Variants in TNNI3K observed in about 807,000 individuals in gnomAD.
The protein encoded by TNNI3K is serine/threonine-protein kinase TNNI3K.
A neutral mutation model predicts 114.5 loss-of-function variants in TNNI3K; 140 were observed. The observed-to-expected ratio is 1.22, with a 90% CI of 1.07 to 1.41. The LOEUF (loss-of-function observed/expected upper bound fraction) is 1.41, where lower values mean the gene tolerates loss of function less well. TNNI3K is among the 40% of genes most tolerant of loss of function. The pLI is 0.00. For missense variants in TNNI3K, 1,125 were observed against 1,007.6 expected, an observed-to-expected ratio of 1.12 and a Z score of -1.58; for synonymous variants, 347 against 347.5, an observed-to-expected ratio of 1.00 and a Z score of 0.02.
intron 17 of TNNI3K, among the ~76,000 whole-genome samples, chr1:74,385,414 A>G (rs1440755380): frequency 1.3e-5 from 2 of 152,192 alleles, no homozygotes; most frequent in African/African-American, 4.8e-5. Flanking sequence ...ACTGCCTAAC[A>G]TGGGTGGTAA....
chr1:74,487,864 G>A (rs1367372504), intron 21 of TNNI3K, among the ~76,000 whole-genome samples: 5 of 152,298 alleles, frequency 3.3e-5, no homozygotes, highest in Middle Eastern at 3.4e-3. Flanking sequence ...TCTAGAGGAA[G>A]TGAGGTAGAG....
intron 5 of TNNI3K, among the ~76,000 whole-genome samples, chr1:74,295,197 C>A (rs1657909514): frequency 6.6e-6 from 1 of 151,714 alleles, no homozygotes; most frequent in South Asian, 2.1e-4. Context: ...CTTTGATTTG[C>A]AGTATAATTG....
At chr1:74,264,198 G>T (rs1216091648) in intron 4 of TNNI3K, among the ~76,000 whole-genome samples, 1 of 151,140 alleles carries the variant, frequency 6.6e-6, no homozygotes, top group South Asian at 2.1e-4. Flanking sequence ...GCAAAGTCAA[G>T]TATTTCCACC....
intron 11 of TNNI3K, among the ~76,000 whole-genome samples, chr1:74,364,841 A>G (rs963225328): frequency 2.6e-5 from 4 of 152,020 alleles, no homozygotes; most frequent in South Asian, 2.1e-4. Context: ...AAGGAAACCA[A>G]TTATCTCCTA....
At chr1:74,393,883 A>G (rs1361971720) in intron 17 of TNNI3K, among the ~76,000 whole-genome samples, 3 of 152,300 alleles carry the variant, frequency 2.0e-5, no homozygotes, top group Non-Finnish European at 1.5e-5. Flanking sequence ...TTGTGCTCCT[A>G]TGAGAATCTA....
At chr1:74,419,477 G>T (rs1346355877) in intron 17 of TNNI3K, among the ~76,000 whole-genome samples, 1 of 152,052 alleles carries the variant, frequency 6.6e-6, no homozygotes, top group Non-Finnish European at 1.5e-5. Flanking sequence ...ACAATTAGGG[G>T]TGTTTTCTTT....
At chr1:74,438,657 T>C (rs1216079374) in intron 19 of TNNI3K, among the ~76,000 whole-genome samples, 1 of 152,062 alleles carries the variant, frequency 6.6e-6, no homozygotes, top group East Asian at 1.9e-4. Context: ...TAACTCTAAA[T>C]CCAGTGTTCT....
At chr1:74,315,716 T>C (rs1306481464) in intron 5 of TNNI3K, among the ~76,000 whole-genome samples, 4 of 152,136 alleles carry the variant, frequency 2.6e-5, no homozygotes. Flanking sequence ...GATTCTCCTT[T>C]GTGTTAGTTT....
Position 74,543,064 on chromosome 1 carries a change from C to CTTTTTTTTTTTTTTTTT in TNNI3K, c.2432-829_2432-813dup, listed in dbSNP as rs60688934. Among the ~76,000 whole-genome samples, 27 of 6,760 alleles carry CTTTTTTTTTTTTTTTTT rather than the reference C, an allele frequency of 4.0e-3. 12 individuals carry two copies. The highest frequency in any genetic ancestry group is 6.1e-3 in the Non-Finnish European group (17 of 2,798). 4.4% of individuals were successfully genotyped at this position (6,760 alleles called of 152,430 possible). On this transcript the variant is annotated intron_variant, in intron 24 of 24. Coordinates refer to ENST00000326637, the MANE Select transcript of TNNI3K (RefSeq NM_015978.3). ...CTTTTCCTTTTCTTTTTCTTTTTCC[C>CTTTTTTTTTTTTTTTTT]TTTTTTTTTTTTTTTTTTTTTTTTT...
At chr1:74,428,109 G>A (rs274578) in intron 17 of TNNI3K, among the ~76,000 whole-genome samples, 4,598 of 152,008 alleles carry the variant, frequency 0.03, 94 homozygotes, top group East Asian at 0.073. Flanking sequence ...GAAAAATCAA[G>A]GTTCTACAAT....
chr1:74,314,045 T>TTATATATATATATA (rs201922658), intron 5 of TNNI3K, among the ~76,000 whole-genome samples: 6 of 6,324 alleles, frequency 9.5e-4, no homozygotes, highest in African/African-American at 1.2e-3. Context: ...AGAAAGTTCA[T>TTATATATATATATA]TATATATATA....
intron 17 of TNNI3K, among the ~76,000 whole-genome samples, chr1:74,420,716 C>T (rs1173985027): frequency 1.3e-5 from 2 of 152,086 alleles, no homozygotes; most frequent in Non-Finnish European, 2.9e-5. Context: ...CCGCAGATGC[C>T]AGTTTTAGCA....
At chr1:74,294,070 G>A (rs933080211) in intron 5 of TNNI3K, among the ~76,000 whole-genome samples, 3 of 151,530 alleles carry the variant, frequency 2.0e-5, no homozygotes, top group Non-Finnish European at 4.4e-5. Context: ...TATACTCGTT[G>A]AATTCAGATT....
chr1:74,418,211 A>G (rs1665224001), intron 17 of TNNI3K: 7 of 452,814 alleles, frequency 1.5e-5, no homozygotes, highest in Non-Finnish European at 3.1e-5. Flanking sequence ...TCAAGCAGCC[A>G]TCTTTGAACA....
chr1:74,511,655 G>A (rs934622492), intron 23 of TNNI3K, among the ~76,000 whole-genome samples: 6 of 151,948 alleles, frequency 3.9e-5, no homozygotes, highest in Admixed American at 3.3e-4. Context: ...TTCAGTCCTG[G>A]GGGAATTCAC....
At chr1:74,449,399 C>A (rs191332338) in intron 20 of TNNI3K, among the ~76,000 whole-genome samples, 2 of 151,256 alleles carry the variant, frequency 1.3e-5, no homozygotes, top group Admixed American at 6.6e-5. Flanking sequence ...TTTTGTTGAT[C>A]CTTTCAAAAA....
intron 4 of TNNI3K, among the ~76,000 whole-genome samples, chr1:74,267,749 CT>C (rs1217520828): frequency 6.6e-5 from 10 of 151,854 alleles, no homozygotes; most frequent in African/African-American, 2.4e-4. Context: ...AGAGGTCAAT[CT>C]TGAGAAATCC....
intron 23 of TNNI3K, among the ~76,000 whole-genome samples, chr1:74,507,810 G>A (rs1287927627): frequency 6.6e-6 from 1 of 152,190 alleles, no homozygotes; most frequent in African/African-American, 2.4e-5. Flanking sequence ...CTGAGACTTA[G>A]GAACTTAAGT....
At chr1:74,461,397 T>C (rs113297094) in intron 20 of TNNI3K, among the ~76,000 whole-genome samples, 78 of 151,386 alleles carry the variant, frequency 5.2e-4, no homozygotes, top group African/African-American at 1.8e-3. Context: ...GGAGAATCAC[T>C]TGAACCCAGG....
Sources: gnomAD v4.1 joint callset for allele counts (sites outside exome capture counted in the v4.1 genomes callset) on GRCh38, gnomAD v4.1.1 for gene constraint, MANE v1.5 for transcripts, NCBI Gene and HGNC (gene_info 2026-07-23, HGNC 2026-07-21) for gene names.